The following LARGE1 variants were observed in gnomAD, a reference collection of about 807,000 sequenced individuals.
LARGE1 encodes the protein LARGE xylosyl- and glucuronyltransferase 1.
LARGE1 carries 43 observed loss-of-function variants against 87.6 expected under a neutral mutation model. That is an observed-to-expected ratio of 0.49 (90% CI 0.38 to 0.63). The LOEUF (loss-of-function observed/expected upper bound fraction) is 0.63. Among genes scored for constraint, LARGE1 ranks in the 30% least tolerant of loss-of-function variants. LARGE1 has a pLI of 0.00. For synonymous variants in LARGE1, 434 were observed against 394.6 expected (o/e 1.10, Z -1.18); for missense variants, 802 against 1,000.2 (o/e 0.80, Z 2.67).
chr22:33,719,526 TA>T (rs1187084765), intron 2 of LARGE1, among the ~76,000 whole-genome samples: 3 of 151,304 alleles, frequency 2.0e-5, no homozygotes, highest in African/African-American at 4.9e-5. Flanking sequence ...TTTATTTATT[TA>T]TTTATTTTTT....
At chr22:33,155,368 C>T in the LARGE1 span, among the ~76,000 whole-genome samples, 1 of 152,242 alleles carries the variant, frequency 6.6e-6, no homozygotes, top group South Asian at 2.1e-4. Context: ...ATGATATGGA[C>T]AATGAAATCC....
chr22:33,219,117 C>A (rs888646815), intron 11 of LARGE1, among the ~76,000 whole-genome samples: 1 of 152,172 alleles, frequency 6.6e-6, no homozygotes, highest in Non-Finnish European at 1.5e-5. Context: ...ACATGAGAAA[C>A]AAATGTATTG....
At chr22:33,759,348 G>T (rs1478257220) in intron 2 of LARGE1, among the ~76,000 whole-genome samples, 1 of 152,136 alleles carries the variant, frequency 6.6e-6, no homozygotes, top group African/African-American at 2.4e-5. Flanking sequence ...ACTCATTGAG[G>T]CCCCAATCTA....
intron 11 of LARGE1, among the ~76,000 whole-genome samples, chr22:33,209,730 C>T (rs536358893): frequency 5.3e-5 from 8 of 152,304 alleles, no homozygotes; most frequent in South Asian, 4.2e-4. Context: ...ACTGCAGCCT[C>T]GACCTCCTGG....
At chr22:33,353,391 C>CT (rs898101867) in intron 9 of LARGE1, among the ~76,000 whole-genome samples, 5 of 149,492 alleles carry the variant, frequency 3.3e-5, no homozygotes, top group East Asian at 3.9e-4. Flanking sequence ...ACTTGTTTTT[C>CT]TTTTTTTCTT....
intron 2 of LARGE1, among the ~76,000 whole-genome samples, chr22:33,740,221 ATCT>A (rs1225275898): frequency 1.3e-5 from 2 of 152,172 alleles, no homozygotes; most frequent in African/African-American, 4.8e-5. Flanking sequence ...CCCAGGAGGC[ATCT>A]TCTTCCATGA....
chr22:33,489,050 T>C lies in LARGE1; in HGVS notation c.788-56785A>G, dbSNP rs534836919. 5.3e-5 allele frequency among the ~76,000 whole-genome samples: 8 copies of C among 152,354 alleles called. 1 individual carries two copies. In the South Asian group the frequency reaches 1.7e-3, roughly 32 times the overall value. On this transcript the variant is annotated intron_variant, in intron 6 of 14. Transcript: ENST00000397394. ...GTAGTCTCATTTGGTCATTCATTCA[T>C]TCAACAAATGTTTATTAAGTGCTTC...
At chr22:33,419,733 C>T (rs1394585947) in intron 7 of LARGE1, among the ~76,000 whole-genome samples, 2 of 152,040 alleles carry the variant, frequency 1.3e-5, no homozygotes, top group African/African-American at 2.4e-5. Flanking sequence ...CTCTATTGCC[C>T]AGGCTGAAGT....
intron 3 of LARGE1, among the ~76,000 whole-genome samples, chr22:33,636,518 A>G (rs538553617): frequency 6.6e-6 from 1 of 152,242 alleles, no homozygotes; most frequent in Non-Finnish European, 1.5e-5. Context: ...TCATCTATAA[A>G]GAGGAGTAAT....
intron 13 of LARGE1, among the ~76,000 whole-genome samples, chr22:33,279,493 C>G (rs547506721): frequency 1.3e-5 from 2 of 152,154 alleles, no homozygotes; most frequent in Admixed American, 1.3e-4. Flanking sequence ...AGGCTGGACT[C>G]CCCCCAAACC....
chr22:33,833,907 G>A (rs574898813), intron 1 of LARGE1, among the ~76,000 whole-genome samples: 1 of 152,052 alleles, frequency 6.6e-6, no homozygotes, highest in Non-Finnish European at 1.5e-5. Flanking sequence ...GGCTGGTCTC[G>A]AACTCCTGAC....
chr22:33,501,791 C>T (rs2070451385), intron 6 of LARGE1, among the ~76,000 whole-genome samples: 1 of 152,162 alleles, frequency 6.6e-6, no homozygotes, highest in South Asian at 2.1e-4. Flanking sequence ...GGCTTATAGT[C>T]TAGTGGGTGA....
intron 2 of LARGE1, among the ~76,000 whole-genome samples, chr22:33,745,068 T>C (rs145196583): frequency 1.3e-5 from 2 of 152,238 alleles, no homozygotes; most frequent in Admixed American, 1.3e-4. Flanking sequence ...AGGAATTGCC[T>C]CAAAGCCTGA....
At chr22:33,254,997 G>A (rs1927189321) in intron 11 of LARGE1, among the ~76,000 whole-genome samples, 1 of 150,368 alleles carries the variant, frequency 6.7e-6, no homozygotes, top group African/African-American at 2.5e-5. Context: ...GAGTGCAGCG[G>A]CGAGATCTCT....
intron 9 of LARGE1, among the ~76,000 whole-genome samples, chr22:33,358,584 C>T (rs1298073000): frequency 1.3e-5 from 2 of 152,188 alleles, no homozygotes; most frequent in African/African-American, 2.4e-5. Flanking sequence ...CCTCCTATGG[C>T]TGGCATCTTT....
At chr22:33,238,452 A>T (rs1168436511) in intron 11 of LARGE1, among the ~76,000 whole-genome samples, 1 of 152,204 alleles carries the variant, frequency 6.6e-6, no homozygotes, top group Non-Finnish European at 1.5e-5. Context: ...TATATTTAGT[A>T]TACCAAATAT....
chr22:33,483,661 C>T (rs576775578), intron 6 of LARGE1, among the ~76,000 whole-genome samples: 5 of 152,262 alleles, frequency 3.3e-5, no homozygotes, highest in Non-Finnish European at 5.9e-5. Context: ...TAGTAATGAT[C>T]GCTGATGCTC....
intron 1 of LARGE1, among the ~76,000 whole-genome samples, chr22:33,813,392 G>C (rs1241887210): frequency 1.3e-5 from 2 of 151,974 alleles, no homozygotes; most frequent in Non-Finnish European, 2.9e-5. Flanking sequence ...ATAGTCAAAT[G>C]CCACAAGACC....
chr22:33,245,213 T>C (rs1926701424), intron 11 of LARGE1, among the ~76,000 whole-genome samples: 1 of 152,206 alleles, frequency 6.6e-6, no homozygotes, highest in Non-Finnish European at 1.5e-5. Flanking sequence ...GGTTGTCTAA[T>C]GATTTCTCAT....
Sources: allele counts gnomAD v4.1 joint callset (sites outside exome capture counted in the v4.1 genomes callset), GRCh38; gene constraint gnomAD v4.1.1; transcripts MANE v1.5; gene names NCBI Gene and HGNC (gene_info 2026-07-23, HGNC 2026-07-21).